The following MCTP1 variants were observed in gnomAD, a reference collection of about 807,000 sequenced individuals.
MCTP1 encodes the protein multiple C2 and transmembrane domain-containing protein 1.
Under a neutral mutation model 120.6 loss-of-function variants are expected in MCTP1, and 69 were observed. That is an observed-to-expected ratio of 0.57 (90% CI 0.47 to 0.70). The LOEUF (loss-of-function observed/expected upper bound fraction) is 0.70, where lower values mean the gene tolerates loss of function less well. Among genes scored for constraint, MCTP1 ranks in the 30% least tolerant of loss-of-function variants. MCTP1 has a pLI of 0.00. For missense variants in MCTP1, 1,203 were observed against 1,248.8 expected, an observed-to-expected ratio of 0.96 and a Z score of 0.55; for synonymous variants, 529 against 493.1, an observed-to-expected ratio of 1.07 and a Z score of -0.96.
chr5:95,000,073 A>G (rs1833374235), intron 2 of MCTP1, among the ~76,000 whole-genome samples: 1 of 152,206 alleles, frequency 6.6e-6, no homozygotes, highest in Non-Finnish European at 1.5e-5. Flanking sequence ...TGGACTGCAT[A>G]TATGATGGTG....
intron 2 of MCTP1, among the ~76,000 whole-genome samples, chr5:94,954,758 G>A (rs538140901): frequency 4.6e-5 from 7 of 152,090 alleles, no homozygotes; most frequent in Non-Finnish European, 7.4e-5. Context: ...GAAAAGATGC[G>A]TGTTAAAGTG....
At chr5:95,168,248 GGTTT>G (rs1394989509) in intron 1 of MCTP1, among the ~76,000 whole-genome samples, 1 of 152,104 alleles carries the variant, frequency 6.6e-6, no homozygotes, top group Non-Finnish European at 1.5e-5. Context: ...CTGTTCCATT[GGTTT>G]ATTTCTCTGT....
intron 1 of MCTP1, among the ~76,000 whole-genome samples, chr5:95,020,193 G>C (rs1837928937): frequency 6.6e-6 from 1 of 151,988 alleles, no homozygotes; most frequent in Non-Finnish European, 1.5e-5. Context: ...TGTATATTCT[G>C]TAGTCTTCAT....
intron 1 of MCTP1, among the ~76,000 whole-genome samples, chr5:95,239,220 G>A (rs1389650964): frequency 2.0e-5 from 3 of 152,142 alleles, no homozygotes; most frequent in Admixed American, 6.6e-5. Context: ...CTGAAGACGC[G>A]CAGAAACAGA....
At chr5:94,850,939 A>C (rs1344863473) in intron 17 of MCTP1, among the ~76,000 whole-genome samples, 2 of 152,090 alleles carry the variant, frequency 1.3e-5, no homozygotes, top group Admixed American at 1.3e-4. Context: ...TAGCTTTCAA[A>C]ATTTATTTGT....
intron 1 of MCTP1, among the ~76,000 whole-genome samples, chr5:95,018,494 T>C (rs1414814541): frequency 2.5e-5 from 3 of 121,862 alleles, no homozygotes; most frequent in Non-Finnish European, 1.9e-5. Context: ...ATTTGTTCGT[T>C]AAAGCAGCAT....
intron 1 of MCTP1, among the ~76,000 whole-genome samples, chr5:95,153,833 A>G (rs1181388690): frequency 6.6e-6 from 1 of 152,208 alleles, no homozygotes; most frequent in East Asian, 1.9e-4. Flanking sequence ...CATTAGGAGC[A>G]GTCGTTGTTT....
At chr5:95,091,194 C>G (rs1755817322) in intron 1 of MCTP1, among the ~76,000 whole-genome samples, 2 of 152,110 alleles carry the variant, frequency 1.3e-5, no homozygotes. Flanking sequence ...CATCCAGAAA[C>G]CCTCTCTTAC....
At chr5:94,786,246 T>A (rs1480089531) in intron 18 of MCTP1, among the ~76,000 whole-genome samples, 3 of 152,126 alleles carry the variant, frequency 2.0e-5, no homozygotes, top group African/African-American at 7.2e-5. Flanking sequence ...TGACACTAAT[T>A]TGAGTTTTCT....
chr5:94,922,835 A>C lies in MCTP1; in HGVS notation c.1272+1127T>G, dbSNP rs572663067. On this transcript the variant is annotated intron_variant, in intron 7 of 22. Coordinates refer to ENST00000515393, the MANE Select transcript of MCTP1 (RefSeq NM_024717.7). ...GCCATTATCCATTTAAAGTCATGGAACAATTTAAAAGCACTCATCCTGTGT... is the reference window on the plus strand; with the variant it reads ...GCCATTATCCATTTAAAGTCATGGACCAATTTAAAAGCACTCATCCTGTGT... Among the ~76,000 whole-genome samples, 29 of 152,294 alleles carry C rather than the reference A, an allele frequency of 1.9e-4. No individual in the cohort carries two copies. In the South Asian group the frequency reaches 5.2e-3, roughly 27 times the overall value.
chr5:94,784,492 C>G (rs944746489), intron 18 of MCTP1, among the ~76,000 whole-genome samples: 3 of 151,968 alleles, frequency 2.0e-5, no homozygotes, highest in African/African-American at 7.2e-5. Flanking sequence ...GACAGGACAC[C>G]TACTTCTCAC....
In MCTP1 at chr5:94,714,851, A is replaced by G. The variant is rs757492607; in HGVS notation, c.2646T>C (p.Tyr882=). Residue 882 remains tyrosine, a synonymous_variant, in exon 20 of 23, where the codon TAT becomes TAC. Transcript: ENST00000515393. ...SEKKGFINKI[Y]AIQEVCVSVQ... ...CACTGACACATACCTCCTGGATGGCATAGATTTTATTTATAAATCCCTTTT... is the reference window on the plus strand; with the variant it reads ...CACTGACACATACCTCCTGGATGGCGTAGATTTTATTTATAAATCCCTTTT... 1 of 1,612,564 alleles carries G rather than the reference A, an allele frequency of 6.2e-7. No individual in the cohort carries two copies. Among genetic ancestry groups the G allele is most frequent in the Non-Finnish European group, 8.5e-7 (1 of 1,178,662 alleles).
chr5:94,941,487 C>G (rs575919473), intron 4 of MCTP1, among the ~76,000 whole-genome samples: 6 of 152,106 alleles, frequency 3.9e-5, no homozygotes, highest in Non-Finnish European at 7.4e-5. Context: ...TTATATTTCT[C>G]TAGTCATCTA....
intron 1 of MCTP1, among the ~76,000 whole-genome samples, chr5:95,026,542 T>C (rs1374664245): frequency 1.3e-5 from 2 of 152,142 alleles, no homozygotes; most frequent in African/African-American, 2.4e-5. Context: ...CCATGCAAAG[T>C]TTGTCTTTCT....
chr5:95,247,719 C>A (rs986321891), intron 1 of MCTP1, among the ~76,000 whole-genome samples: 1 of 152,152 alleles, frequency 6.6e-6, no homozygotes, highest in Non-Finnish European at 1.5e-5. Flanking sequence ...GTCTCTTAAT[C>A]CTGAGTTCTA....
chr5:94,818,282 T>C (rs922852742), intron 17 of MCTP1, among the ~76,000 whole-genome samples: 4 of 152,148 alleles, frequency 2.6e-5, no homozygotes, highest in Non-Finnish European at 5.9e-5. Context: ...CATACAAAAG[T>C]AAGTAAAAAG....
intron 17 of MCTP1, among the ~76,000 whole-genome samples, chr5:94,809,911 T>C (rs547162077): frequency 1.3e-5 from 2 of 152,250 alleles, no homozygotes; most frequent in South Asian, 4.1e-4. Flanking sequence ...ATCTCACTAA[T>C]GCTAGGTAAC....
intron 2 of MCTP1, among the ~76,000 whole-genome samples, chr5:95,014,822 C>T (rs552733441): frequency 5.3e-5 from 8 of 152,212 alleles, no homozygotes; most frequent in African/African-American, 1.4e-4. Context: ...AACAGCATCT[C>T]ATGCTACAGA....
intron 2 of MCTP1, among the ~76,000 whole-genome samples, chr5:95,001,954 G>A (rs1362337986): frequency 1.3e-5 from 2 of 152,116 alleles, no homozygotes; most frequent in South Asian, 2.1e-4. Context: ...TTATTTCATG[G>A]GCTGGACCCA....
Sources: gnomAD v4.1 joint callset for allele counts (sites outside exome capture counted in the v4.1 genomes callset) on GRCh38, gnomAD v4.1.1 for gene constraint, MANE v1.5 for transcripts, NCBI Gene and HGNC (gene_info 2026-07-23, HGNC 2026-07-21) for gene names.